Variants in FKBP5 observed in about 807,000 individuals in gnomAD.
The protein encoded by FKBP5 is FKBP prolyl isomerase 5.
In FKBP5, 23 loss-of-function variants were observed where a neutral mutation model predicts 50.5. The observed-to-expected ratio is 0.46, with a 90% CI of 0.33 to 0.65. The LOEUF is 0.65. FKBP5 is among the 30% of genes least tolerant of loss of function. The pLI is 0.02. For missense variants in FKBP5, 411 were observed against 553.1 expected (o/e 0.74, Z 2.58); for synonymous variants, 176 against 190.6 (o/e 0.92, Z 0.63).
upstream of FKBP5, among the ~76,000 whole-genome samples, chr6:35,691,132 C>G (rs549986594): frequency 9.2e-5 from 14 of 152,264 alleles, no homozygotes; most frequent in Non-Finnish European, 1.8e-4. Context: ...GTGACATACA[C>G]GTAACATGTC....
intron 3 of FKBP5, among the ~76,000 whole-genome samples, chr6:35,632,577 TAAAGA>T: frequency 6.6e-6 from 1 of 151,626 alleles, no homozygotes; most frequent in East Asian, 1.9e-4. Flanking sequence ...ATGAAGAAAG[TAAAGA>T]ATAGAGTTTA....
Position 35,651,125 on chromosome 6 carries a change from T to C in FKBP5, c.-19-8282A>G, listed in dbSNP as rs559334569. On this transcript the variant is annotated intron_variant, in intron 1 of 10. Transcript: ENST00000357266. ...CTATTTCCAAGAGGAAAAAAGTATA[T>C]ATGTGTTTGTATATTTGCTTATATA... Among the ~76,000 whole-genome samples, 15 of 152,238 alleles carry C rather than the reference T, an allele frequency of 9.9e-5. No individual in the cohort carries two copies. In the East Asian group the frequency reaches 1.7e-3, roughly 18 times the overall value.
intron 1 of FKBP5, among the ~76,000 whole-genome samples, chr6:35,649,180 G>A (rs974372365): frequency 1.3e-5 from 2 of 150,716 alleles, no homozygotes; most frequent in African/African-American, 2.4e-5. Context: ...GAACCCGGGA[G>A]GCAGAGCTTG....
Position 35,661,542 on chromosome 6 carries a change from G to A in FKBP5, c.-19-18699C>T. On this transcript the variant is annotated intron_variant, in intron 1 of 10. Transcript: ENST00000357266. ...TCCCAGCACTTTGGGAGGCTGAGGT[G>A]GGCAGATCACCTGTGGTCACGAGTT... 2.4e-5 allele frequency among the ~76,000 whole-genome samples: 2 copies of A among 81,700 alleles called. 1 individual carries two copies. The highest frequency in any genetic ancestry group is 2.6e-4 in the Admixed American group (2 of 7,806). 53.6% of individuals were successfully genotyped at this position (81,700 alleles called of 152,430 possible). A position where few individuals can be genotyped will look rare whatever the true frequency, so the allele number is the denominator to read the frequency against.
At chr6:35,722,107 C>G (rs1766621568) in intron 1 of FKBP5, among the ~76,000 whole-genome samples, 1 of 152,170 alleles carries the variant, frequency 6.6e-6, no homozygotes, top group Non-Finnish European at 1.5e-5. Flanking sequence ...CCATCACACT[C>G]CATCGCATCC....
intron 7 of FKBP5, among the ~76,000 whole-genome samples, chr6:35,588,922 T>G (rs1449449232): frequency 6.6e-6 from 1 of 151,100 alleles, no homozygotes; most frequent in East Asian, 1.9e-4. Context: ...TAAATTTTTT[T>G]GCAGAGAGGG....
intron 3 of FKBP5, among the ~76,000 whole-genome samples, chr6:35,630,186 G>A (rs1581833702): frequency 6.6e-6 from 1 of 151,962 alleles, no homozygotes; most frequent in East Asian, 1.9e-4. Flanking sequence ...GAGAGAGAGA[G>A]AGAGAGCGAG....
At chr6:35,590,986 G>GC in intron 7 of FKBP5, 144 bp downstream of exon 7, 1 of 512,260 alleles carries the variant, frequency 2.0e-6, no homozygotes, top group Non-Finnish European at 3.5e-6. Flanking sequence ...CTATTCTTCA[G>GC]CAGCAGTGTT....
At chr6:35,622,084 G>A (rs1017695147) in intron 3 of FKBP5, among the ~76,000 whole-genome samples, 1 of 152,188 alleles carries the variant, frequency 6.6e-6, no homozygotes, top group African/African-American at 2.4e-5. Flanking sequence ...TAGGATATTA[G>A]GACAAGGGAA....
chr6:35,585,484 T>C, intron 8 of FKBP5: 1 of 985,340 alleles, frequency 1.0e-6, no homozygotes. Flanking sequence ...AACTCCCCTA[T>C]TTTTCACTTG....
At chr6:35,584,906 A>G in intron 8 of FKBP5, 1 of 985,456 alleles carries the variant, frequency 1.0e-6, no homozygotes, top group South Asian at 4.7e-5. Context: ...TGATGCTGAT[A>G]AGCAACAAAG....
chr6:35,688,988 C>A (rs1447668532), upstream of FKBP5: 1 of 151,778 alleles, frequency 6.6e-6, no homozygotes, highest in African/African-American at 2.4e-5. Context: ...GGCCGCAGGA[C>A]CCGCCTTCCA....
At chr6:35,723,192 C>T (rs1287449084) in intron 1 of FKBP5, among the ~76,000 whole-genome samples, 1 of 151,996 alleles carries the variant, frequency 6.6e-6, no homozygotes, top group East Asian at 1.9e-4. Context: ...GAGATCACAC[C>T]ACTGCACTCC....
At chr6:35,687,561 AC>A (rs1335058554) in intron 1 of FKBP5, among the ~76,000 whole-genome samples, 1 of 152,232 alleles carries the variant, frequency 6.6e-6, no homozygotes, top group East Asian at 1.9e-4. Flanking sequence ...ATATGCTTTA[AC>A]TTTTCCCTTG....
chr6:35,582,416 T>A, intron 8 of FKBP5: 1 of 518,704 alleles, frequency 1.9e-6, no homozygotes, highest in Non-Finnish European at 2.5e-6. Flanking sequence ...GTCATGAGGG[T>A]GGGGCCTCAT....
intron 1 of FKBP5, among the ~76,000 whole-genome samples, chr6:35,645,157 C>G (rs922260395): frequency 6.6e-6 from 1 of 152,218 alleles, no homozygotes; most frequent in African/African-American, 2.4e-5. Context: ...GTGCTATCAC[C>G]TATGTGCTAT....
chr6:35,716,696 CTT>C (rs1489067565), intron 2 of FKBP5, among the ~76,000 whole-genome samples: 3 of 152,288 alleles, frequency 2.0e-5, no homozygotes, highest in Non-Finnish European at 2.9e-5. Context: ...CTACCCAACT[CTT>C]GAGATCTGGT....
chr6:35,660,986 G>A lies in FKBP5; in HGVS notation c.-19-18143C>T, dbSNP rs973539689. 3.6e-5 allele frequency among the ~76,000 whole-genome samples: 3 copies of A among 83,700 alleles called. 1 individual carries two copies. Among genetic ancestry groups the A allele is most frequent in the African/African-American group, 1.1e-4 (3 of 27,022 alleles). The allele number at this position is 83,700 out of a possible 152,430, so 54.9% of individuals were successfully genotyped here. A position where few individuals can be genotyped will look rare whatever the true frequency, so the allele number is the denominator to read the frequency against. ...TCATAGAGACAGAAAGGAGACTGGT[G>A]GTTGCTTAGGGTTAGGGGAAACAGG... On this transcript the variant is annotated intron_variant, in intron 1 of 10. Coordinates refer to ENST00000357266, the MANE Select transcript of FKBP5 (RefSeq NM_004117.4).
At chr6:35,600,311 G>A (rs769426549) in intron 5 of FKBP5, among the ~76,000 whole-genome samples, 19 of 151,980 alleles carry the variant, frequency 1.3e-4, no homozygotes, top group African/African-American at 3.1e-4. Context: ...CCAGCTACTC[G>A]AGAGGCTGAG....
Sources: gnomAD v4.1 joint callset for allele counts (sites outside exome capture counted in the v4.1 genomes callset) on GRCh38, gnomAD v4.1.1 for gene constraint, MANE v1.5 for transcripts, NCBI Gene and HGNC (gene_info 2026-07-23, HGNC 2026-07-21) for gene names.